The following CCDC141 variants were observed in gnomAD, a reference collection of about 807,000 sequenced individuals.
CCDC141 encodes coiled-coil domain containing 141.
In CCDC141, 168 loss-of-function variants were observed where a neutral mutation model predicts 181.0. That is an observed-to-expected ratio of 0.93 (90% CI 0.82 to 1.05). The LOEUF is 1.05. Ranked by LOEUF, CCDC141 falls within the 50% of genes least tolerant of loss-of-function variation. The pLI is 0.00. For synonymous variants in CCDC141, 666 were observed against 642.3 expected (o/e 1.04, Z -0.56); for missense variants, 1,902 against 1,788.5 (o/e 1.06, Z -1.14).
intron 2 of CCDC141, among the ~76,000 whole-genome samples, chr2:179,029,532 A>C (rs1219420265): frequency 1.3e-5 from 2 of 152,168 alleles, no homozygotes; most frequent in Non-Finnish European, 2.9e-5. Flanking sequence ...AGGGGGTAAA[A>C]ACTTTATTTT....
chr2:178,952,151 C>A (rs775304488), intron 5 of CCDC141, among the ~76,000 whole-genome samples: 1 of 152,150 alleles, frequency 6.6e-6, no homozygotes, highest in Non-Finnish European at 1.5e-5. Context: ...CATGAAATGG[C>A]ATTTATGCCC....
rs773303900 is a variant in CCDC141, at chr2:178,837,393, A to T, written c.3826T>A (p.Cys1276Ser). ...LPPPVAFADA[C>S]NDKRETFSSH... ...GAAAATGTTTCTCTCTTATCATTGC[A>T]TGCATCCGCAAAGGCAACAGGTGGT... is the stretch of plus-strand genomic sequence containing the variant. The change falls in exon 23 of 24, where the codon TGC (cysteine) becomes AGC (serine). Residue 1276 changes from cysteine (C) to serine (S), a missense_variant. By Grantham distance (112) the Cys-to-Ser change is moderately radical (BLOSUM62 -1). Transcript: ENST00000443758. 1 of 1,613,930 alleles carries T rather than the reference A, an allele frequency of 6.2e-7. No individual in the cohort carries two copies. Among genetic ancestry groups the T allele is most frequent in the African/African-American group, 1.3e-5 (1 of 74,904 alleles).
intron 2 of CCDC141, among the ~76,000 whole-genome samples, chr2:178,997,366 G>A (rs141077749): frequency 1.4e-4 from 21 of 152,164 alleles, no homozygotes; most frequent in African/African-American, 5.1e-4. Context: ...CCTCCATGGA[G>A]GCTACTTCTT....
intron 6 of CCDC141, among the ~76,000 whole-genome samples, chr2:178,934,069 A>C (rs1488916743): frequency 6.7e-6 from 1 of 149,694 alleles, no homozygotes; most frequent in Non-Finnish European, 1.5e-5. Context: ...ACCTACATAG[A>C]ATCTCTAGGA....
rs1645852359 is a variant in CCDC141, at chr2:178,834,318, G to T, written c.4448C>A (p.Ala1483Asp). 2 of 1,535,866 alleles carry T rather than the reference G, an allele frequency of 1.3e-6. No homozygotes were observed. Among genetic ancestry groups the T allele is most frequent in the Non-Finnish European group, 1.7e-6 (2 of 1,146,858 alleles). Reference sequence around the variant, plus strand: ...AGAGAGAGCGCCGCTAGAGTTTTGGGCCCGAGCCACATAGAGGCCTGCGTC... The same window carrying T: ...AGAGAGAGCGCCGCTAGAGTTTTGGTCCCGAGCCACATAGAGGCCTGCGTC... ...KADAGLYVAR[A>D]QNSSGALSSN... The change falls in exon 24 of 24, where the codon GCC (alanine) becomes GAC (aspartate). Residue 1483 changes from alanine to aspartate, a missense_variant. By Grantham distance (126) the Ala-to-Asp change is moderately radical (BLOSUM62 -2). Transcript: ENST00000443758.
At chr2:178,968,592 G>T (rs1465369998) in intron 4 of CCDC141, among the ~76,000 whole-genome samples, 2 of 152,018 alleles carry the variant, frequency 1.3e-5, no homozygotes, top group Non-Finnish European at 2.9e-5. Flanking sequence ...AAAGCAGTGA[G>T]TAGAGGGAAA....
chr2:178,886,309 CTGAA>C lies in CCDC141; in HGVS notation c.1527+439_1527+442del, dbSNP rs371114467. ...GGTGGGGGTGGGGCACTTTCTGTCT[CTGAA>C]TGTTAGGTAAGCAAACAAGGTTGTT... On this transcript the variant is annotated intron_variant, in intron 10 of 23. Coordinates refer to ENST00000443758, the MANE Select transcript of CCDC141 (RefSeq NM_173648.4). Among the ~76,000 whole-genome samples, 53 of 152,224 alleles carry C rather than the reference CTGAA, an allele frequency of 3.5e-4. 1 individual carries two copies. In the South Asian group the frequency reaches 0.011, roughly 30 times the overall value.
chr2:178,982,512 G>A (rs887734151), intron 2 of CCDC141, among the ~76,000 whole-genome samples: 30 of 152,344 alleles, frequency 2.0e-4, no homozygotes, highest in South Asian at 6.2e-4. Context: ...CAGCCTGAGC[G>A]ACGCAGAAGA....
chr2:178,948,615 A>G (rs1278213923), intron 5 of CCDC141, among the ~76,000 whole-genome samples: 4 of 152,254 alleles, frequency 2.6e-5, no homozygotes, highest in African/African-American at 9.6e-5. Context: ...TGGAGATGGC[A>G]TCTAATGGAA....
intron 6 of CCDC141, among the ~76,000 whole-genome samples, chr2:178,923,803 A>G (rs1187622418): frequency 6.6e-6 from 1 of 152,158 alleles, no homozygotes; most frequent in Non-Finnish European, 1.5e-5. Flanking sequence ...ACCTTTCAGT[A>G]TTCCATTTCC....
chr2:178,913,986 A>T (rs1274087277), intron 7 of CCDC141, among the ~76,000 whole-genome samples: 1 of 152,202 alleles, frequency 6.6e-6, no homozygotes, highest in Admixed American at 6.5e-5. Context: ...AACATATTGT[A>T]TATTTATCTC....
intron 2 of CCDC141, among the ~76,000 whole-genome samples, chr2:178,979,396 T>C (rs765058464): frequency 2.0e-5 from 3 of 151,940 alleles, no homozygotes; most frequent in African/African-American, 4.8e-5. Flanking sequence ...TAAAACGTGA[T>C]AAAGAAAAAT....
At chr2:179,024,350 C>T (rs978657337) in intron 2 of CCDC141, among the ~76,000 whole-genome samples, 5 of 152,198 alleles carry the variant, frequency 3.3e-5, no homozygotes, top group African/African-American at 1.2e-4. Flanking sequence ...TGTTATTACA[C>T]AGAGATGAAC....
intron 22 of CCDC141, among the ~76,000 whole-genome samples, chr2:178,839,445 G>A (rs1408866733): frequency 1.3e-5 from 2 of 151,078 alleles, no homozygotes; most frequent in Non-Finnish European, 3.0e-5. Context: ...GTGTGGTGAT[G>A]GGTGCCTGTA....
In CCDC141 at chr2:178,850,064, G is replaced by A. The variant is rs768926451; in HGVS notation, c.3342C>T (p.Leu1114=). 49 of 1,575,392 alleles carry A rather than the reference G, an allele frequency of 3.1e-5. No individual in the cohort carries two copies. The highest frequency in any genetic ancestry group is 1.7e-4 in the Middle Eastern group (1 of 5,990). ...VTELCESLTE[L]EEKLKQGDVL... ...AAGAAATTACCTTCAGTTTTTCTTC[G>A]AGCTCTGTGAGGGACTCACATAATT... Residue 1114 remains leucine (L), a synonymous_variant, in exon 21 of 24, where the codon CTC becomes CTT. Transcript: ENST00000443758.
At chr2:179,005,709 A>T (rs1171336362) in intron 2 of CCDC141, among the ~76,000 whole-genome samples, 1 of 152,100 alleles carries the variant, frequency 6.6e-6, no homozygotes, top group Non-Finnish European at 1.5e-5. Flanking sequence ...ATCTCAGCTC[A>T]CTGCAACCTC....
intron 2 of CCDC141, among the ~76,000 whole-genome samples, chr2:178,997,210 C>G (rs946235258): frequency 6.6e-6 from 1 of 152,126 alleles, no homozygotes; most frequent in Non-Finnish European, 1.5e-5. Flanking sequence ...TTAGGAAGGC[C>G]TTGTGGTTCT....
chr2:178,894,539 A>G (rs1283857169), intron 8 of CCDC141, among the ~76,000 whole-genome samples: 1 of 152,154 alleles, frequency 6.6e-6, no homozygotes, highest in Non-Finnish European at 1.5e-5. Flanking sequence ...CCACAATAAA[A>G]GACCAAGAAA....
chr2:178,997,741 C>T (rs1692352035), intron 2 of CCDC141, among the ~76,000 whole-genome samples: 1 of 152,092 alleles, frequency 6.6e-6, no homozygotes. Flanking sequence ...TTGATAACAC[C>T]CTCGAAGTCT....
Sources: gnomAD v4.1 joint callset for allele counts (sites outside exome capture counted in the v4.1 genomes callset) on GRCh38, gnomAD v4.1.1 for gene constraint, MANE v1.5 for transcripts, NCBI Gene and HGNC (gene_info 2026-07-23, HGNC 2026-07-21) for gene names.